RBFOX1: variants seen among roughly 807,000 people sequenced by gnomAD.
RBFOX1 encodes RNA binding protein fox-1 homolog 1.
In RBFOX1, 8 loss-of-function variants were observed where a neutral mutation model predicts 57.7. That is an observed-to-expected ratio of 0.14 (90% CI 0.08 to 0.25). RBFOX1 has a LOEUF of 0.25. Among genes scored for constraint, RBFOX1 ranks in the 10% least tolerant of loss-of-function variants. RBFOX1 has a pLI of 1.00. For synonymous variants in RBFOX1, 326 were observed against 222.4 expected (o/e 1.47, Z -4.15); for missense variants, 611 against 548.5 (o/e 1.11, Z -1.14).
intron 13 of RBFOX1, among the ~76,000 whole-genome samples, chr16:7,671,354 C>G (rs2071370243): frequency 6.6e-6 from 1 of 152,180 alleles, no homozygotes; most frequent in South Asian, 2.1e-4. Flanking sequence ...CACCTTGATA[C>G]TCTCCATTGC....
intron 1 of RBFOX1, among the ~76,000 whole-genome samples, chr16:6,119,800 C>A (rs1252748567): frequency 6.6e-6 from 1 of 152,132 alleles, no homozygotes; most frequent in East Asian, 1.9e-4. Flanking sequence ...ATGTCTGGCC[C>A]CATTAACCTT....
At chr16:5,446,411 C>CT (rs1218001609) in intron 1 of RBFOX1, among the ~76,000 whole-genome samples, 8 of 152,038 alleles carry the variant, frequency 5.3e-5, no homozygotes, top group Non-Finnish European at 1.0e-4. Context: ...TTTCTTTCCT[C>CT]TTTTTTTTGT....
intron 4 of RBFOX1, among the ~76,000 whole-genome samples, chr16:7,104,804 C>G (rs1290262950): frequency 6.6e-6 from 1 of 152,102 alleles, no homozygotes; most frequent in Non-Finnish European, 1.5e-5. Flanking sequence ...GCAAAAATAA[C>G]CAACACAAAG....
intron 15 of RBFOX1, chr16:7,709,685 G>C (rs1341478015): frequency 2.2e-6 from 3 of 1,343,498 alleles, no homozygotes; most frequent in Non-Finnish European, 2.9e-6. Context: ...TAAGAAAGTA[G>C]AAGGAATCAG....
At chr16:5,246,275 T>C (rs1364187834) in intron 1 of RBFOX1, among the ~76,000 whole-genome samples, 5 of 152,180 alleles carry the variant, frequency 3.3e-5, no homozygotes, top group African/African-American at 2.4e-5. Flanking sequence ...AATTCTGAAT[T>C]TTATTTTTAA....
intron 1 of RBFOX1, among the ~76,000 whole-genome samples, chr16:5,338,288 A>G (rs983031124): frequency 2.0e-5 from 3 of 152,148 alleles, no homozygotes; most frequent in African/African-American, 7.2e-5. Context: ...TGGACACATG[A>G]TCAAGCTGGA....
At chr16:6,351,903 C>T (rs1188508004) in intron 2 of RBFOX1, among the ~76,000 whole-genome samples, 1 of 152,176 alleles carries the variant, frequency 6.6e-6, no homozygotes, top group Non-Finnish European at 1.5e-5. Flanking sequence ...TTATTTTCAT[C>T]ATTCCACCAA....
intron 4 of RBFOX1, among the ~76,000 whole-genome samples, chr16:7,302,953 A>AAAAT (rs919295099): frequency 4.4e-4 from 67 of 152,346 alleles, no homozygotes; most frequent in African/African-American, 1.6e-3. Context: ...AAGAATAAAA[A>AAAAT]AAATAAATAA....
chr16:6,260,748 G>T (rs2097697036), intron 1 of RBFOX1, among the ~76,000 whole-genome samples: 1 of 152,010 alleles, frequency 6.6e-6, no homozygotes, highest in African/African-American at 2.4e-5. Context: ...AGGCGTGGTT[G>T]TGCACACCTG....
intron 4 of RBFOX1, among the ~76,000 whole-genome samples, chr16:7,480,437 A>T (rs1164384833): frequency 6.6e-6 from 1 of 152,242 alleles, no homozygotes; most frequent in African/African-American, 2.4e-5. Context: ...CAAATGAGAA[A>T]GTGAATGCAA....
At chr16:7,189,587 A>ACACACACG in intron 4 of RBFOX1, among the ~76,000 whole-genome samples, 1 of 142,216 alleles carries the variant, frequency 7.0e-6, no homozygotes, top group East Asian at 2.1e-4. Context: ...ACACACACAC[A>ACACACACG]TACACACACA....
chr16:6,949,552 G>C (rs9935698), intron 3 of RBFOX1, among the ~76,000 whole-genome samples: 87,066 of 151,948 alleles, frequency 0.57, 25,336 homozygotes, highest in Non-Finnish European at 0.63. Context: ...TACTGATGAC[G>C]ATCTTCGGGG....
chr16:6,102,559 C>T (rs2096326181), intron 1 of RBFOX1, among the ~76,000 whole-genome samples: 1 of 152,100 alleles, frequency 6.6e-6, no homozygotes, highest in Non-Finnish European at 1.5e-5. Flanking sequence ...TTCTCTCTCT[C>T]TCTCCACCCT....
At chr16:6,079,747 G>T (rs2095970994) in intron 1 of RBFOX1, among the ~76,000 whole-genome samples, 1 of 152,200 alleles carries the variant, frequency 6.6e-6, no homozygotes, top group East Asian at 1.9e-4. Flanking sequence ...GAGATGGGAG[G>T]ATGGCCTGGG....
intron 4 of RBFOX1, among the ~76,000 whole-genome samples, chr16:7,106,930 G>A (rs895867604): frequency 2.9e-4 from 43 of 150,812 alleles, no homozygotes; most frequent in Non-Finnish European, 5.7e-4. Flanking sequence ...AGGAGGACAT[G>A]GACACGTCCC....
intron 3 of RBFOX1, among the ~76,000 whole-genome samples, chr16:6,928,040 AT>A (rs1009332972): frequency 2.6e-4 from 40 of 152,128 alleles, no homozygotes; most frequent in Admixed American, 1.6e-3. Context: ...TAGATTTATA[AT>A]TTCCCCAACT....
At chr16:6,641,242 C>G (rs1471042165) in intron 2 of RBFOX1, among the ~76,000 whole-genome samples, 1 of 152,124 alleles carries the variant, frequency 6.6e-6, no homozygotes, top group Non-Finnish European at 1.5e-5. Context: ...CAGGGCTTCC[C>G]CAGCCCTCAC....
At chr16:6,490,554 A>C (rs901619645) in intron 2 of RBFOX1, among the ~76,000 whole-genome samples, 4 of 152,230 alleles carry the variant, frequency 2.6e-5, no homozygotes, top group African/African-American at 2.4e-5. Context: ...GTATCTGCTT[A>C]CTATTTATTG....
intron 4 of RBFOX1, among the ~76,000 whole-genome samples, chr16:7,473,308 G>T (rs1467566693): frequency 6.6e-6 from 1 of 151,598 alleles, no homozygotes; most frequent in Non-Finnish European, 1.5e-5. Context: ...AACTCAGGAG[G>T]CGGAGGTTGT....
Sources: allele counts gnomAD v4.1 joint callset (sites outside exome capture counted in the v4.1 genomes callset), GRCh38; gene constraint gnomAD v4.1.1; transcripts MANE v1.5; gene names NCBI Gene and HGNC (gene_info 2026-07-23, HGNC 2026-07-21).